CALN1: variants seen among roughly 807,000 people sequenced by gnomAD.
CALN1 encodes the protein calneuron 1.
CALN1 carries 17 observed loss-of-function variants against 30.6 expected under a neutral mutation model. The observed-to-expected ratio is 0.56, with a 90% confidence interval of 0.38 to 0.83. The LOEUF (loss-of-function observed/expected upper bound fraction) is 0.83. CALN1 is among the 40% of genes least tolerant of loss of function. The pLI, the probability that CALN1 is intolerant of heterozygous loss-of-function variation, is 0.00. For synonymous variants in CALN1, 156 were observed against 131.4 expected (o/e 1.19, Z -1.28); for missense variants, 291 against 354.9 (o/e 0.82, Z 1.45).
At chr7:72,367,259 G>A (rs760133222) in intron 2 of CALN1, among the ~76,000 whole-genome samples, 6 of 152,102 alleles carry the variant, frequency 3.9e-5, no homozygotes, top group Non-Finnish European at 8.8e-5. Context: ...GGCTGAGGCA[G>A]GAGGACTGCT....
chr7:72,324,383 C>T (rs915526017), intron 2 of CALN1, among the ~76,000 whole-genome samples: 1 of 152,036 alleles, frequency 6.6e-6, no homozygotes, highest in Non-Finnish European at 1.5e-5. Flanking sequence ...GCAGGGTCAT[C>T]CCATCTCTGG....
intron 2 of CALN1, among the ~76,000 whole-genome samples, chr7:72,365,248 C>G (rs959028203): frequency 6.6e-6 from 1 of 151,904 alleles, no homozygotes; most frequent in Non-Finnish European, 1.5e-5. Flanking sequence ...TCAGCAAGAC[C>G]CCATCTTTAC....
At chr7:72,111,015 T>A (rs1807534052) in intron 3 of CALN1, among the ~76,000 whole-genome samples, 1 of 152,170 alleles carries the variant, frequency 6.6e-6, no homozygotes, top group Non-Finnish European at 1.5e-5. Flanking sequence ...GGCAGTAATG[T>A]TGTGTGCTTT....
intron 5 of CALN1, among the ~76,000 whole-genome samples, chr7:71,827,480 A>G (rs1021391256): frequency 6.6e-6 from 1 of 152,174 alleles, no homozygotes; most frequent in Admixed American, 6.5e-5. Context: ...ATAAGAAACA[A>G]AAGAGTGAGG....
At chr7:72,307,216 A>G (rs1799715024) in intron 2 of CALN1, among the ~76,000 whole-genome samples, 2 of 152,208 alleles carry the variant, frequency 1.3e-5, no homozygotes, top group African/African-American at 4.8e-5. Flanking sequence ...ATTTTGGCCA[A>G]TTAACATAAA....
At chr7:72,239,642 G>C (rs1333064044) in intron 3 of CALN1, among the ~76,000 whole-genome samples, 4 of 152,054 alleles carry the variant, frequency 2.6e-5, no homozygotes, top group Admixed American at 2.6e-4. Context: ...TCCCCAAGGT[G>C]CATGGGTTTG....
intron 3 of CALN1, among the ~76,000 whole-genome samples, chr7:72,125,171 C>A (rs1026895926): frequency 6.6e-6 from 1 of 152,046 alleles, no homozygotes; most frequent in Non-Finnish European, 1.5e-5. Context: ...TGGGACTACT[C>A]CCAGCTAATC....
At chr7:72,376,468 G>A (rs967935730) in intron 2 of CALN1, among the ~76,000 whole-genome samples, 1 of 152,182 alleles carries the variant, frequency 6.6e-6, no homozygotes, top group African/African-American at 2.4e-5. Flanking sequence ...AATGACAGAT[G>A]ACTGAGCATC....
At chr7:72,092,952 C>T (rs1288167427) in intron 4 of CALN1, among the ~76,000 whole-genome samples, 2 of 152,102 alleles carry the variant, frequency 1.3e-5, no homozygotes, top group Non-Finnish European at 2.9e-5. Context: ...AACCAACTCG[C>T]GATGACACAC....
At chr7:72,387,037 A>T (rs538609471) in intron 2 of CALN1, among the ~76,000 whole-genome samples, 129 of 151,712 alleles carry the variant, frequency 8.5e-4, no homozygotes, top group African/African-American at 2.6e-3. Context: ...GCCAGAAAGA[A>T]AGTTCTCAAA....
At chr7:72,408,263 T>A (rs1439596618) in intron 1 of CALN1, among the ~76,000 whole-genome samples, 1 of 117,486 alleles carries the variant, frequency 8.5e-6, no homozygotes, top group African/African-American at 3.4e-5. Context: ...TGAAACCCCA[T>A]CTCTATTAAA....
the CALN1 span, among the ~76,000 whole-genome samples, chr7:72,488,249 T>C: frequency 1.3e-5 from 2 of 151,734 alleles, no homozygotes; most frequent in Admixed American, 1.3e-4. Context: ...CACATGCCTG[T>C]AGTTTCAGTT....
At chr7:72,120,475 A>G (rs957495712) in intron 3 of CALN1, among the ~76,000 whole-genome samples, 2 of 152,178 alleles carry the variant, frequency 1.3e-5, no homozygotes, top group African/African-American at 2.4e-5. Flanking sequence ...ATAATTCCCA[A>G]TTTTACATAA....
the CALN1 span, among the ~76,000 whole-genome samples, chr7:72,496,157 G>C: frequency 6.6e-6 from 1 of 152,024 alleles, no homozygotes; most frequent in Non-Finnish European, 1.5e-5. Flanking sequence ...CCTGACCTTA[G>C]GTGATCCACC....
rs938306877 is a variant in CALN1 at position 72,256,165 on chromosome 7, G to A, written c.244+22521C>T. Among the ~76,000 whole-genome samples the A allele has an allele frequency of 3.3e-5, 5 of 152,324 alleles. No homozygotes were observed. The East Asian group carries it at 7.7e-4, about 24-fold the overall frequency. On this transcript the variant is annotated intron_variant, in intron 3 of 6. Transcript: ENST00000395275. ...ACACTTCAAGAAATTCCATCTCGAA[G>A]AATTCTTGCCTGGCCTGACACAGTG...
At chr7:72,431,965 T>TCC (rs1180230445) in intron 1 of CALN1, among the ~76,000 whole-genome samples, 1 of 152,116 alleles carries the variant, frequency 6.6e-6, no homozygotes, top group Non-Finnish European at 1.5e-5. Context: ...CCTATTAAAC[T>TCC]CCTTGCCATC....
intron 5 of CALN1, among the ~76,000 whole-genome samples, chr7:71,911,726 G>A (rs1794433199): frequency 6.6e-6 from 1 of 152,070 alleles, no homozygotes; most frequent in African/African-American, 2.4e-5. Flanking sequence ...ATGAAAGGGC[G>A]ATGTGCTAAG....
At chr7:71,822,754 C>G (rs534181609) in intron 5 of CALN1, among the ~76,000 whole-genome samples, 23 of 152,036 alleles carry the variant, frequency 1.5e-4, no homozygotes, top group Non-Finnish European at 3.2e-4. Flanking sequence ...ATTTTCCTAC[C>G]TTTTGCCTCA....
chr7:71,798,627 T>TG (rs1482361462), intron 6 of CALN1, among the ~76,000 whole-genome samples: 4 of 148,736 alleles, frequency 2.7e-5, no homozygotes, highest in Non-Finnish European at 5.9e-5. Flanking sequence ...TTTTTTTTTT[T>TG]TTTTTTTCTT....
Sources: gnomAD v4.1 joint callset for allele counts (sites outside exome capture counted in the v4.1 genomes callset) on GRCh38, gnomAD v4.1.1 for gene constraint, MANE v1.5 for transcripts, NCBI Gene and HGNC (gene_info 2026-07-23, HGNC 2026-07-21) for gene names.